The following PDE4D variants were observed in gnomAD, a reference collection of about 807,000 sequenced individuals.
PDE4D encodes 3',5'-cyclic-AMP phosphodiesterase 4D.
A neutral mutation model predicts 87.4 loss-of-function variants in PDE4D; 24 were observed. That is an observed-to-expected ratio of 0.27 (90% CI 0.20 to 0.39). The LOEUF (loss-of-function observed/expected upper bound fraction) is 0.39. PDE4D is among the 10% of genes least tolerant of loss of function. The pLI is 1.00. For missense variants in PDE4D, 714 were observed against 1,041.0 expected (o/e 0.69, Z 4.32); for synonymous variants, 384 against 383.2 (o/e 1.00, Z -0.02).
intron 2 of PDE4D, among the ~76,000 whole-genome samples, chr5:60,039,242 C>T (rs941551708): frequency 6.6e-6 from 1 of 151,958 alleles, no homozygotes; most frequent in African/African-American, 2.4e-5. Context: ...ATACACCATG[C>T]AATACTATGC....
At chr5:60,447,430 C>T (rs937348562) in intron 1 of PDE4D, among the ~76,000 whole-genome samples, 2 of 152,084 alleles carry the variant, frequency 1.3e-5, no homozygotes, top group African/African-American at 4.8e-5. Context: ...TTTGTGATTG[C>T]TAATTCCTTT....
intron 1 of PDE4D, among the ~76,000 whole-genome samples, chr5:60,298,292 C>G (rs1204795572): frequency 6.6e-6 from 1 of 152,026 alleles, no homozygotes; most frequent in African/African-American, 2.4e-5. Flanking sequence ...AAAGTGTTTA[C>G]TAAAAGATCA....
In PDE4D at chr5:60,047,644, G is replaced by T. The variant is rs1445196948; in HGVS notation, c.43-58927C>A. On this transcript the variant is annotated intron_variant, in intron 2 of 16. Transcript: ENST00000502484. ...TTATGTACCCAGTAGTCATTCAGGA[G>T]CAGGTTGTTCAGTTTCCATGTAGTT... 3.9e-5 allele frequency among the ~76,000 whole-genome samples: 6 copies of T among 152,228 alleles called. 1 individual carries two copies. The East Asian group carries it at 1.2e-3, about 29-fold the overall frequency.
At chr5:59,350,000 A>G (rs1174149447) in intron 1 of PDE4D, among the ~76,000 whole-genome samples, 3 of 152,112 alleles carry the variant, frequency 2.0e-5, no homozygotes, top group African/African-American at 4.8e-5. Flanking sequence ...AATGTTTGAG[A>G]TGGGGCTTTC....
chr5:60,489,951 TC>T (rs1749437368), upstream of PDE4D: 1 of 152,170 alleles, frequency 6.6e-6, no homozygotes, highest in African/African-American at 2.4e-5. Flanking sequence ...TCCAGAAATT[TC>T]CCATAGGAAG....
chr5:59,220,106 G>C (rs1752156687), intron 1 of PDE4D, among the ~76,000 whole-genome samples: 1 of 152,096 alleles, frequency 6.6e-6, no homozygotes, highest in Non-Finnish European at 1.5e-5. Context: ...TTGTTATAAA[G>C]ACTTACGTGG....
chr5:60,066,473 T>C (rs988820615), intron 2 of PDE4D, among the ~76,000 whole-genome samples: 1 of 152,092 alleles, frequency 6.6e-6, no homozygotes, highest in Non-Finnish European at 1.5e-5. Flanking sequence ...AGGTACACTA[T>C]TGACCTAGAA....
At chr5:60,398,926 C>CTA (rs888308265) in intron 1 of PDE4D, among the ~76,000 whole-genome samples, 1 of 152,104 alleles carries the variant, frequency 6.6e-6, no homozygotes, top group Non-Finnish European at 1.5e-5. Context: ...TTTGTAATCA[C>CTA]TAAACTCTAC....
chr5:60,409,414 C>T (rs1048378971), intron 1 of PDE4D, among the ~76,000 whole-genome samples: 2 of 152,064 alleles, frequency 1.3e-5, no homozygotes, highest in Non-Finnish European at 2.9e-5. Context: ...GGAGCAATTA[C>T]GTGTCATGAT....
At chr5:59,856,267 C>A (rs1045526622) in intron 1 of PDE4D, among the ~76,000 whole-genome samples, 1 of 152,134 alleles carries the variant, frequency 6.6e-6, no homozygotes, top group Non-Finnish European at 1.5e-5. Context: ...TGGTTTTGCT[C>A]TTCCAGCTTA....
rs27175 is a variant in PDE4D, at chr5:59,193,558, G to A, written c.648-22C>T. On this transcript the variant is annotated intron_variant, in intron 2 of 14. Transcript: ENST00000340635. Reference sequence around the variant, plus strand: ...GTGTCTGAAAAATAAACCAAATCCCGCATTAGAAATCATCAATAACTCTGT... The same window carrying A: ...GTGTCTGAAAAATAAACCAAATCCCACATTAGAAATCATCAATAACTCTGT... 1 allele frequency: 1,607,259 copies of A among 1,613,020 alleles called. 801,066 individuals are homozygous for A. The highest frequency in any genetic ancestry group is 1 in the Non-Finnish European group (1,179,487 of 1,179,566).
chr5:59,498,187 A>C (rs1245378378), intron 1 of PDE4D, among the ~76,000 whole-genome samples: 1 of 151,696 alleles, frequency 6.6e-6, no homozygotes, highest in Non-Finnish European at 1.5e-5. Context: ...CTAAACATGA[A>C]AACAAAAGGA....
chr5:59,347,013 T>C (rs1028099336), intron 1 of PDE4D, among the ~76,000 whole-genome samples: 6 of 152,090 alleles, frequency 3.9e-5, no homozygotes, highest in African/African-American at 1.4e-4. Flanking sequence ...TTGTTGCTTG[T>C]TTTTTTCCTC....
intron 1 of PDE4D, among the ~76,000 whole-genome samples, chr5:59,569,760 A>T (rs1231973700): frequency 6.6e-6 from 1 of 152,104 alleles, no homozygotes; most frequent in Non-Finnish European, 1.5e-5. Flanking sequence ...GCAGTCTTTC[A>T]ACCACTTTAT....
At chr5:59,505,334 T>G (rs1299860241) in intron 1 of PDE4D, among the ~76,000 whole-genome samples, 3 of 152,212 alleles carry the variant, frequency 2.0e-5, no homozygotes, top group African/African-American at 7.2e-5. Flanking sequence ...ACAGCATTAT[T>G]AGCAGAGGGT....
intron 1 of PDE4D, among the ~76,000 whole-genome samples, chr5:59,445,896 T>C (rs1221327465): frequency 6.6e-6 from 1 of 152,204 alleles, no homozygotes; most frequent in Non-Finnish European, 1.5e-5. Context: ...ACATCAGTGA[T>C]TTTTAAAGCA....
intron 1 of PDE4D, among the ~76,000 whole-genome samples, chr5:59,320,972 T>C (rs965082097): frequency 6.6e-6 from 1 of 152,154 alleles, no homozygotes; most frequent in Non-Finnish European, 1.5e-5. Context: ...GAAAATAATT[T>C]TAAAGTATTC....
intron 1 of PDE4D, among the ~76,000 whole-genome samples, chr5:59,576,022 A>C (rs539740251): frequency 6.6e-6 from 1 of 152,318 alleles, no homozygotes; most frequent in East Asian, 1.9e-4. Context: ...CCTATAGTTA[A>C]TGGGTAAGAT....
chr5:59,768,723 C>T (rs1191799696), intron 1 of PDE4D: 9 of 1,179,388 alleles, frequency 7.6e-6, no homozygotes, highest in Non-Finnish European at 1.0e-5. Flanking sequence ...CCTCCTCTCC[C>T]AAGCCCCTGC....
Sources: allele counts gnomAD v4.1 joint callset (sites outside exome capture counted in the v4.1 genomes callset), GRCh38; gene constraint gnomAD v4.1.1; transcripts MANE v1.5; gene names NCBI Gene and HGNC (gene_info 2026-07-23, HGNC 2026-07-21).